IQGAP2: variants seen among roughly 807,000 people sequenced by gnomAD.
IQGAP2 encodes the protein ras GTPase-activating-like protein IQGAP2.
Under a neutral mutation model 201.3 loss-of-function variants are expected in IQGAP2, and 173 were observed. The observed-to-expected ratio is 0.86, with a 90% CI of 0.76 to 0.98. The LOEUF is 0.98. Among genes scored for constraint, IQGAP2 ranks in the 50% least tolerant of loss-of-function variants. The pLI, the probability that IQGAP2 is intolerant of heterozygous loss-of-function variation, is 0.00. For synonymous variants in IQGAP2, 675 were observed against 673.9 expected, an observed-to-expected ratio of 1.00 and a Z score of -0.03; for missense variants, 1,687 against 1,864.8, an observed-to-expected ratio of 0.90 and a Z score of 1.76.
chr5:76,416,957 T>C (rs911041488), intron 1 of IQGAP2, among the ~76,000 whole-genome samples: 2 of 152,028 alleles, frequency 1.3e-5, no homozygotes, highest in African/African-American at 4.8e-5. Context: ...GCCTTCTGAG[T>C]AGATGGGACC....
At chr5:76,591,627 A>G (rs1746660338) in intron 8 of IQGAP2, among the ~76,000 whole-genome samples, 1 of 152,142 alleles carries the variant, frequency 6.6e-6, no homozygotes, top group Admixed American at 6.5e-5. Flanking sequence ...TCACTAGCTT[A>G]TGTGCGTCCT....
intron 2 of IQGAP2, among the ~76,000 whole-genome samples, chr5:76,528,087 G>C (rs1335225318): frequency 1.3e-5 from 2 of 152,096 alleles, no homozygotes; most frequent in Non-Finnish European, 1.5e-5. Context: ...CTTGTTCTTT[G>C]ATTCACTGAC....
In IQGAP2 at chr5:76,654,849, C is replaced by G. The variant is rs1752784429; in HGVS notation, c.2251-85C>G. On this transcript the variant is annotated intron_variant, in intron 19 of 35. Transcript: ENST00000274364. Reference sequence around the variant, plus strand: ...TCTAAGTAGTGTCAGTTCTTAAATACTGACAGTTCTTAAATGTTCTAAATT... The same window carrying G: ...TCTAAGTAGTGTCAGTTCTTAAATAGTGACAGTTCTTAAATGTTCTAAATT... The G allele has an allele frequency of 1.3e-5, 11 of 815,822 alleles. No individual in the cohort carries two copies. In the South Asian group the frequency reaches 1.5e-4, roughly 11 times the overall value. The allele number at this position is 815,822 out of a possible 1,614,324, so 50.5% of individuals were successfully genotyped here.
At chr5:76,522,573 T>C (rs940801729) in intron 2 of IQGAP2, among the ~76,000 whole-genome samples, 1 of 152,242 alleles carries the variant, frequency 6.6e-6, no homozygotes, top group Non-Finnish European at 1.5e-5. Context: ...TTAGGCATGC[T>C]AAATTCTGTA....
At chr5:76,549,858 T>C (rs913258913) in intron 2 of IQGAP2, among the ~76,000 whole-genome samples, 1 of 152,140 alleles carries the variant, frequency 6.6e-6, no homozygotes, top group Non-Finnish European at 1.5e-5. Context: ...TACAGTCTCA[T>C]TTTGAGGTAT....
Position 76,673,589 on chromosome 5 carries a change from C to T in IQGAP2, c.3209C>T (p.Pro1070Leu), listed in dbSNP as rs200940839. ...NSIISSLDLL[P>L]YGLRYIAKVL... Reference sequence around the variant, plus strand: ...ATCATTTCTTCCCTTGATCTACTGCCGTAAGTTGTACTTGCAGCAAGTTTA... The same window carrying T: ...ATCATTTCTTCCCTTGATCTACTGCTGTAAGTTGTACTTGCAGCAAGTTTA... Residue 1070 changes from proline (P) to leucine (L), a missense_variant and splice_region_variant, in exon 25 of 36, where the codon CCT becomes CTT. Coordinates refer to ENST00000274364, the MANE Select transcript of IQGAP2 (RefSeq NM_006633.5). 1.1e-5 allele frequency: 18 copies of T among 1,612,948 alleles called. No individual in the cohort carries two copies. The highest frequency in any genetic ancestry group is 1.1e-4 in the East Asian group (5 of 44,882).
chr5:76,608,180 G>A (rs1747963693), intron 12 of IQGAP2: 1 of 152,172 alleles, frequency 6.6e-6, no homozygotes, highest in African/African-American at 2.4e-5. Context: ...TTTGATTGCT[G>A]TGGCTTTTAT....
At position 76,650,147 on chromosome 5, in the gene IQGAP2, G is replaced by A. The variant is rs114158310; in HGVS notation, c.2095-2603G>A. On this transcript the variant is annotated intron_variant, in intron 17 of 35. Transcript: ENST00000274364. Reference sequence around the variant, plus strand: ...GCAGGGGCTGCTGTGAAGGTCTAAAGCATTGGGGATTTCAGTTCAACATGA... The same window carrying A: ...GCAGGGGCTGCTGTGAAGGTCTAAAACATTGGGGATTTCAGTTCAACATGA... 8.1e-3 allele frequency among the ~76,000 whole-genome samples: 1,239 copies of A among 152,322 alleles called. 14 individuals carry two copies. The highest frequency in any genetic ancestry group is 0.028 in the African/African-American group (1,158 of 41,568).
intron 24 of IQGAP2, among the ~76,000 whole-genome samples, chr5:76,672,970 G>A (rs1355007820): frequency 3.3e-5 from 5 of 151,624 alleles, no homozygotes; most frequent in African/African-American, 1.2e-4. Context: ...ACGAGTTAAT[G>A]GGTGCAGTAC....
At chr5:76,509,794 T>A (rs1390462125) in intron 2 of IQGAP2, among the ~76,000 whole-genome samples, 1 of 152,030 alleles carries the variant, frequency 6.6e-6, no homozygotes, top group African/African-American at 2.4e-5. Flanking sequence ...CCGTAGTACT[T>A]TTACCCTTAG....
At chr5:76,652,895 T>A in intron 18 of IQGAP2, 62 bp downstream of exon 18, 1 of 1,095,500 alleles carries the variant, frequency 9.1e-7, no homozygotes, top group Non-Finnish European at 1.4e-6. Flanking sequence ...ATTTCATGTT[T>A]AATCTGAAAG....
Position 76,676,083 on chromosome 5 carries a change from A to T in IQGAP2, c.3528-1135A>T, listed in dbSNP as rs879649504. ...GTGACAGGGTAAGACTCTGTCACAC[A>T]CACACACACACACACACACACACAC... is the stretch of plus-strand genomic sequence containing the variant. On this transcript the variant is annotated intron_variant, in intron 27 of 35. Transcript: ENST00000274364. Among the ~76,000 whole-genome samples, 596 of 131,778 alleles carry T rather than the reference A, an allele frequency of 4.5e-3. 2 individuals carry two copies. The highest frequency in any genetic ancestry group is 6.0e-3 in the Non-Finnish European group (367 of 60,888). The allele number at this position is 131,778 out of a possible 152,430, so 86.5% of individuals were successfully genotyped here.
chr5:76,627,446 G>GAGATAC lies in IQGAP2; in HGVS notation c.1561_1566dup (p.Ile521_Gln522dup). On this transcript the variant is annotated inframe_insertion, in exon 14 of 36. Transcript: ENST00000274364. The stretch of plus-strand genomic sequence containing the variant: ...TGTTTCCAAAGTGCTTTGGCTGGAT[G>GAGATAC]AGATACAGCAAGCCGTCGATGATGC... 1 of 1,604,184 alleles carries GAGATAC rather than the reference G, an allele frequency of 6.2e-7. No homozygotes were observed. Among genetic ancestry groups the GAGATAC allele is most frequent in the Middle Eastern group, 1.7e-4 (1 of 6,048 alleles).
intron 1 of IQGAP2, among the ~76,000 whole-genome samples, chr5:76,409,467 G>A (rs553320156): frequency 6.6e-6 from 1 of 151,764 alleles, no homozygotes; most frequent in Non-Finnish European, 1.5e-5. Context: ...GGCTGGTCTC[G>A]AACTCCTGAG....
rs1746580190 is a variant in IQGAP2, at chr5:76,590,614, G to A, written c.819+28G>A. ...GCTTAGATTCTGAGTAATAAAAACA[G>A]TAATGAATGTGCTTATGAGTTACTA... is the stretch of plus-strand genomic sequence containing the variant. On this transcript the variant is annotated intron_variant, in intron 8 of 35. Coordinates refer to ENST00000274364, the MANE Select transcript of IQGAP2 (RefSeq NM_006633.5). 4 of 1,545,758 alleles carry A rather than the reference G, an allele frequency of 2.6e-6. No individual in the cohort carries two copies. The East Asian group carries it at 9.0e-5, about 35-fold the overall frequency.
At chr5:76,491,792 TTA>T (rs1305419131) in intron 2 of IQGAP2, among the ~76,000 whole-genome samples, 4 of 152,114 alleles carry the variant, frequency 2.6e-5, no homozygotes, top group Non-Finnish European at 5.9e-5. Flanking sequence ...TCTGCCTAAT[TTA>T]TATGTCTCGG....
At chr5:76,598,803 T>C (rs1747218233) in intron 10 of IQGAP2, among the ~76,000 whole-genome samples, 1 of 152,150 alleles carries the variant, frequency 6.6e-6, no homozygotes, top group Non-Finnish European at 1.5e-5. Flanking sequence ...TAATAACAGA[T>C]TGCCTATAAA....
At chr5:76,445,465 C>CTTT (rs33993084) in intron 1 of IQGAP2, among the ~76,000 whole-genome samples, 1 of 140,050 alleles carries the variant, frequency 7.1e-6, no homozygotes, top group Non-Finnish European at 1.6e-5. Flanking sequence ...CCGTTTTAAC[C>CTTT]TTTTTTTTTT....
At chr5:76,619,114 G>T (rs1230259813) in intron 13 of IQGAP2, among the ~76,000 whole-genome samples, 1 of 152,212 alleles carries the variant, frequency 6.6e-6, no homozygotes, top group East Asian at 1.9e-4. Flanking sequence ...TGGGATCTGG[G>T]AATGCCAGAT....
Sources: allele counts gnomAD v4.1 joint callset (sites outside exome capture counted in the v4.1 genomes callset), GRCh38; gene constraint gnomAD v4.1.1; transcripts MANE v1.5; gene names NCBI Gene and HGNC (gene_info 2026-07-23, HGNC 2026-07-21).